VPS53: variants seen among roughly 807,000 people sequenced by gnomAD.
VPS53 encodes VPS53 subunit of GARP complex, also known as vacuolar protein sorting-associated protein 53 homolog.
VPS53 carries 70 observed loss-of-function variants against 107.0 expected under a neutral mutation model. The ratio of observed to expected loss-of-function variants is 0.65; its 90% CI spans 0.54 to 0.80. The LOEUF is 0.80. Ranked by LOEUF, VPS53 falls within the 30% of genes least tolerant of loss-of-function variation. VPS53 has a pLI of 0.00. For missense variants in VPS53, 917 were observed against 1,049.4 expected (o/e 0.87, Z 1.74); for synonymous variants, 409 against 393.3 (o/e 1.04, Z -0.47).
intron 12 of VPS53, among the ~76,000 whole-genome samples, chr17:596,867 A>C (rs1967998470): frequency 6.6e-6 from 1 of 152,180 alleles, no homozygotes; most frequent in East Asian, 1.9e-4. Context: ...AAGATGTTTA[A>C]GCTATTTCCT....
chr17:658,836 C>T (rs1047103759), intron 5 of VPS53, among the ~76,000 whole-genome samples: 4 of 152,022 alleles, frequency 2.6e-5, no homozygotes, highest in East Asian at 1.9e-4. Flanking sequence ...GACACTCGGC[C>T]GTGAGTTCGT....
At chr17:704,155 T>C (rs1213173121) in intron 2 of VPS53, among the ~76,000 whole-genome samples, 1 of 152,208 alleles carries the variant, frequency 6.6e-6, no homozygotes, top group Non-Finnish European at 1.5e-5. Flanking sequence ...CAAATGATTA[T>C]CTTCAGTTTA....
At chr17:590,598 A>C (rs2143002165) in intron 12 of VPS53, among the ~76,000 whole-genome samples, 1 of 152,220 alleles carries the variant, frequency 6.6e-6, no homozygotes, top group South Asian at 2.1e-4. Flanking sequence ...GAGTTGTTGA[A>C]TTTTGTCAAA....
At position 524,762 on chromosome 17, in the gene VPS53, T is replaced by C. The variant is rs149107615; in HGVS notation, c.2086-3024A>G. Among the ~76,000 whole-genome samples, 158 of 152,258 alleles carry C rather than the reference T, an allele frequency of 1.0e-3. No individual in the cohort carries two copies. The highest frequency in any genetic ancestry group is 3.8e-3 in the African/African-American group (156 of 41,544). On this transcript the variant is annotated intron_variant, in intron 19 of 21. Coordinates refer to ENST00000437048, the MANE Select transcript of VPS53 (RefSeq NM_001128159.3). This position sits in a 1 kb window ranked among gnomAD's most constrained non-coding sequence, Gnocchi z 4.5. ...CGGCCATGGCACTGAAATTCACAAA[T>C]GTACACCGTAATACACCCATCAGAG...
chr17:604,355 G>C (rs1272290152), intron 11 of VPS53, among the ~76,000 whole-genome samples: 1 of 152,032 alleles, frequency 6.6e-6, no homozygotes, highest in East Asian at 1.9e-4. Context: ...GCCTACTCTC[G>C]CTGGCGTAAA....
intron 11 of VPS53, among the ~76,000 whole-genome samples, chr17:619,795 C>A (rs1174790183): frequency 7.4e-6 from 1 of 134,364 alleles, no homozygotes; most frequent in African/African-American, 2.9e-5. Flanking sequence ...TAATATTTCC[C>A]GGGTAGCTGG....
At chr17:552,045 T>G (rs757595689) in intron 16 of VPS53, 95 bp from the exon 17 acceptor site, 4 of 1,181,732 alleles carry the variant, frequency 3.4e-6, no homozygotes, top group Non-Finnish European at 4.7e-6. Context: ...AGATTCATCA[T>G]TTCACTGGCA....
At chr17:560,707 G>C (rs1268042203) in intron 14 of VPS53, 134 bp from the exon 15 acceptor site, 16 of 1,029,694 alleles carry the variant, frequency 1.6e-5, no homozygotes, top group Middle Eastern at 2.9e-4. Flanking sequence ...CACATACAAT[G>C]AGTCCTTTTC....
intron 1 of VPS53, among the ~76,000 whole-genome samples, chr17:713,790 A>G (rs1223300646): frequency 3.3e-5 from 5 of 152,082 alleles, no homozygotes; most frequent in Admixed American, 1.3e-4. Flanking sequence ...CTGTAATCCC[A>G]GCACTTTGGG....
At chr17:531,439 G>C (rs994709450) in intron 19 of VPS53, among the ~76,000 whole-genome samples, 10 of 152,156 alleles carry the variant, frequency 6.6e-5, no homozygotes, top group African/African-American at 2.4e-4. Flanking sequence ...GTAAGCACTG[G>C]ATGAACTGAT....
rs367991955 is a variant in VPS53, at chr17:670,968, C to A, written c.286-9073G>T. ...GTGCTGGGCCAGGTGCAGTGGCTCACGCCTGTAATCCCAGCACTTTCGGAG... is the reference window on the plus strand; with the variant it reads ...GTGCTGGGCCAGGTGCAGTGGCTCAAGCCTGTAATCCCAGCACTTTCGGAG... On this transcript the variant is annotated intron_variant, in intron 4 of 21. Transcript: ENST00000437048. 2.9e-4 allele frequency among the ~76,000 whole-genome samples: 44 copies of A among 152,270 alleles called. No individual in the cohort carries two copies. In the East Asian group the frequency reaches 6.2e-3, roughly 21 times the overall value.
chr17:663,669 G>A (rs1365337561), intron 4 of VPS53, among the ~76,000 whole-genome samples: 1 of 152,250 alleles, frequency 6.6e-6, no homozygotes, highest in Non-Finnish European at 1.5e-5. Flanking sequence ...GCACTGGACT[G>A]TCCGTGACTA....
chr17:647,397 C>T (rs911496472), intron 7 of VPS53, among the ~76,000 whole-genome samples: 4 of 152,142 alleles, frequency 2.6e-5, no homozygotes, highest in Non-Finnish European at 4.4e-5. Flanking sequence ...GCCTTCAGTC[C>T]CCAGCACGGG....
intron 11 of VPS53, among the ~76,000 whole-genome samples, chr17:607,507 G>A (rs2143011040): frequency 6.6e-6 from 1 of 152,296 alleles, no homozygotes; most frequent in East Asian, 1.9e-4. Flanking sequence ...TGTGGGGAGC[G>A]ATCACTGGCA....
At position 626,963 on chromosome 17, in the gene VPS53, G is replaced by A. The variant is rs192559462; in HGVS notation, c.974+211C>T. Among the ~76,000 whole-genome samples, 9 of 152,228 alleles carry A rather than the reference G, an allele frequency of 5.9e-5. 1 individual carries two copies. The highest frequency in any genetic ancestry group is 5.9e-4 in the Admixed American group (9 of 15,296). On this transcript the variant is annotated intron_variant, in intron 10 of 21. Coordinates refer to ENST00000437048, the MANE Select transcript of VPS53 (RefSeq NM_001128159.3). ...GTGGAGAAGGTAGAGATGGCTTGAG[G>A]CAAGAACTACACCACGGAAAGTCCC...
intron 19 of VPS53, among the ~76,000 whole-genome samples, chr17:528,011 A>G (rs1287497555): frequency 1.3e-5 from 2 of 152,194 alleles, no homozygotes; most frequent in Non-Finnish European, 2.9e-5. Context: ...GGTCATAAAC[A>G]TATTGTCTTA....
chr17:590,305 C>T (rs1244538741), intron 12 of VPS53, among the ~76,000 whole-genome samples: 1 of 152,158 alleles, frequency 6.6e-6, no homozygotes, highest in Non-Finnish European at 1.5e-5. Flanking sequence ...TCTAGATATA[C>T]AATCATGTCG....
At chr17:560,645 T>C in intron 14 of VPS53, 72 bp from the exon 15 acceptor site, 1 of 1,547,584 alleles carries the variant, frequency 6.5e-7, no homozygotes, top group Non-Finnish European at 8.8e-7. Flanking sequence ...ACTACATTAT[T>C]TTAAGATACA....
intron 7 of VPS53, among the ~76,000 whole-genome samples, chr17:651,358 C>T (rs1035703008): frequency 1.3e-5 from 2 of 152,186 alleles, no homozygotes; most frequent in East Asian, 1.9e-4. Context: ...CAGTGGCTCA[C>T]GCCTGTAACC....
Sources: gnomAD v4.1 joint callset for allele counts (sites outside exome capture counted in the v4.1 genomes callset) on GRCh38, gnomAD v4.1.1 for gene constraint, Gnocchi (gnomAD v3.1) non-coding constraint, MANE v1.5 for transcripts, NCBI Gene and HGNC (gene_info 2026-07-23, HGNC 2026-07-21) for gene names.